Variants in RFX3 observed in about 807,000 individuals in gnomAD.
RFX3 encodes transcription factor RFX3.
Under a neutral mutation model 98.6 loss-of-function variants are expected in RFX3, and 14 were observed. The ratio of observed to expected loss-of-function variants is 0.14; its 90% confidence interval spans 0.09 to 0.22. The LOEUF is 0.22. Ranked by LOEUF, RFX3 falls within the 10% of genes least tolerant of loss-of-function variation. The pLI is 1.00. For synonymous variants in RFX3, 383 were observed against 328.4 expected, an observed-to-expected ratio of 1.17 and a Z score of -1.80; for missense variants, 639 against 926.9, an observed-to-expected ratio of 0.69 and a Z score of 4.03.
chr9:3,285,723 T>C (rs1283792769), intron 7 of RFX3, among the ~76,000 whole-genome samples: 7 of 151,734 alleles, frequency 4.6e-5, no homozygotes, highest in Non-Finnish European at 8.9e-5. Context: ...TCAGTACTTC[T>C]TTGGTTCTTT....
At chr9:3,412,457 T>G (rs1463587273) in intron 1 of RFX3, among the ~76,000 whole-genome samples, 2 of 152,220 alleles carry the variant, frequency 1.3e-5, no homozygotes, top group African/African-American at 2.4e-5. Flanking sequence ...TATAGAGAAG[T>G]AAAAGAAAGG....
At chr9:3,293,318 A>C in intron 5 of RFX3, 60 bp from the exon 6 acceptor site, 1 of 1,265,488 alleles carries the variant, frequency 7.9e-7, no homozygotes, top group East Asian at 2.4e-5. Flanking sequence ...AATTTCTACA[A>C]GACACTGCAA....
chr9:3,232,091 G>C (rs1179685225), intron 15 of RFX3, among the ~76,000 whole-genome samples: 1 of 151,388 alleles, frequency 6.6e-6, no homozygotes, highest in East Asian at 1.9e-4. Context: ...AAAAACAGAA[G>C]AGGAGGAAGC....
chr9:3,352,012 T>C (rs1163601854), intron 2 of RFX3, among the ~76,000 whole-genome samples: 2 of 151,948 alleles, frequency 1.3e-5, no homozygotes, highest in Admixed American at 6.6e-5. Context: ...AGGAAAACTT[T>C]AATGATGATG....
chr9:3,306,716 G>A (rs1829365562), intron 4 of RFX3, among the ~76,000 whole-genome samples: 1 of 151,496 alleles, frequency 6.6e-6, no homozygotes, highest in South Asian at 2.1e-4. Flanking sequence ...AAACCTGCAG[G>A]TTGTGCACAT....
intron 4 of RFX3, among the ~76,000 whole-genome samples, chr9:3,320,390 C>A (rs72699049): frequency 0.036 from 5,482 of 151,692 alleles, 146 homozygotes; most frequent in Admixed American, 0.062. Flanking sequence ...CCATGTCTAC[C>A]AAAAATTACA....
chr9:3,383,545 CA>C (rs201892204), intron 2 of RFX3, among the ~76,000 whole-genome samples: 426 of 137,364 alleles, frequency 3.1e-3, no homozygotes, highest in East Asian at 7.7e-3. Context: ...GACTCTTGGC[CA>C]AAAAAAAAAA....
chr9:3,271,575 C>CTTTG (rs2131348623), intron 9 of RFX3, among the ~76,000 whole-genome samples: 1 of 147,548 alleles, frequency 6.8e-6, no homozygotes, highest in Non-Finnish European at 1.5e-5. Flanking sequence ...TTCTTTCTTT[C>CTTTG]TTTCCTTTAC....
At chr9:3,452,658 G>C (rs556417425) in intron 1 of RFX3, among the ~76,000 whole-genome samples, 1 of 152,272 alleles carries the variant, frequency 6.6e-6, no homozygotes, top group African/African-American at 2.4e-5. Context: ...CTGTGTGGGG[G>C]AATAGGAGGC....
chr9:3,420,910 A>G, intron 1 of RFX3: 1 of 985,266 alleles, frequency 1.0e-6, no homozygotes, highest in Non-Finnish European at 1.2e-6. Context: ...ATCTGAAACC[A>G]GCAAATATGG....
At chr9:3,493,374 C>T (rs2133539299) in intron 1 of RFX3, among the ~76,000 whole-genome samples, 2 of 152,116 alleles carry the variant, frequency 1.3e-5, no homozygotes, top group East Asian at 3.9e-4. Flanking sequence ...CATCTAAACA[C>T]GTGATCCATT....
intron 2 of RFX3, among the ~76,000 whole-genome samples, chr9:3,350,918 A>T (rs1281528045): frequency 6.6e-6 from 1 of 152,130 alleles, no homozygotes; most frequent in Non-Finnish European, 1.5e-5. Flanking sequence ...TAAAAAGATC[A>T]GTGGCTGCCA....
intron 1 of RFX3, among the ~76,000 whole-genome samples, chr9:3,465,433 G>A (rs1848116895): frequency 6.6e-6 from 1 of 150,902 alleles, no homozygotes; most frequent in African/African-American, 2.4e-5. Context: ...TGGGATTACA[G>A]GCATGCACCA....
intron 2 of RFX3, among the ~76,000 whole-genome samples, chr9:3,354,416 A>G (rs1250658923): frequency 6.6e-6 from 1 of 151,910 alleles, no homozygotes. Context: ...AGAACATTAA[A>G]CCAAAGTGCA....
intron 11 of RFX3, among the ~76,000 whole-genome samples, chr9:3,269,257 G>A (rs1824059667): frequency 1.3e-5 from 2 of 151,700 alleles, no homozygotes; most frequent in Admixed American, 6.6e-5. Context: ...CAAGGTGGCC[G>A]GGAACATATT....
chr9:3,380,847 T>C (rs756955419), intron 2 of RFX3, among the ~76,000 whole-genome samples: 1 of 152,206 alleles, frequency 6.6e-6, no homozygotes, highest in Non-Finnish European at 1.5e-5. Flanking sequence ...TTCTTAGTAG[T>C]GCTATTTTTA....
chr9:3,461,436 G>A (rs1185964058), intron 1 of RFX3, among the ~76,000 whole-genome samples: 1 of 151,846 alleles, frequency 6.6e-6, no homozygotes, highest in Non-Finnish European at 1.5e-5. Flanking sequence ...CATCCAACGA[G>A]GTCAAATCAG....
intron 15 of RFX3, among the ~76,000 whole-genome samples, chr9:3,242,508 T>C (rs538335990): frequency 6.6e-6 from 1 of 152,272 alleles, no homozygotes; most frequent in South Asian, 2.1e-4. Context: ...TTAAAGTGTA[T>C]TCCCTAGTCA....
At chr9:3,237,055 T>C (rs1819255175) in intron 15 of RFX3, among the ~76,000 whole-genome samples, 2 of 152,222 alleles carry the variant, frequency 1.3e-5, no homozygotes, top group African/African-American at 2.4e-5. Flanking sequence ...TTAAATTCTA[T>C]ACATTATCCT....
Sources: allele counts gnomAD v4.1 joint callset (sites outside exome capture counted in the v4.1 genomes callset), GRCh38; gene constraint gnomAD v4.1.1; transcripts MANE v1.5; gene names NCBI Gene and HGNC (gene_info 2026-07-23, HGNC 2026-07-21).